FKBP5: variants seen among roughly 807,000 people sequenced by gnomAD.
FKBP5 encodes the protein FKBP prolyl isomerase 5, also known as peptidyl-prolyl cis-trans isomerase FKBP5.
A neutral mutation model predicts 50.5 loss-of-function variants in FKBP5; 23 were observed. That is an observed-to-expected ratio of 0.46 (90% CI 0.33 to 0.65). The LOEUF (loss-of-function observed/expected upper bound fraction) is 0.65. FKBP5 is among the 30% of genes least tolerant of loss of function. The pLI, the probability that FKBP5 is intolerant of heterozygous loss-of-function variation, is 0.02. For missense variants in FKBP5, 411 were observed against 553.1 expected, an observed-to-expected ratio of 0.74 and a Z score of 2.58; for synonymous variants, 176 against 190.6, an observed-to-expected ratio of 0.92 and a Z score of 0.63.
chr6:35,725,796 C>T (rs1340717487), intron 1 of FKBP5, among the ~76,000 whole-genome samples: 6 of 152,150 alleles, frequency 3.9e-5, no homozygotes, highest in East Asian at 1.9e-4. Flanking sequence ...CCGGTCCCAG[C>T]GTAACAAACT....
At chr6:35,674,631 T>G (rs1387926657) in intron 1 of FKBP5, among the ~76,000 whole-genome samples, 1 of 152,240 alleles carries the variant, frequency 6.6e-6, no homozygotes, top group Non-Finnish European at 1.5e-5. Context: ...TAACAATGTT[T>G]GCGGAACCAT....
chr6:35,671,035 G>C (rs918369436), intron 1 of FKBP5, among the ~76,000 whole-genome samples: 2 of 152,028 alleles, frequency 1.3e-5, no homozygotes, highest in African/African-American at 2.4e-5. Context: ...AAAGTGAGAC[G>C]ATCCCTTGAA....
chr6:35,702,370 A>AG (rs1412266146), intron 2 of FKBP5, among the ~76,000 whole-genome samples: 1 of 146,024 alleles, frequency 6.8e-6, no homozygotes, highest in Admixed American at 6.7e-5. Flanking sequence ...ATAAAGGTTA[A>AG]AAAAAAAAAG....
chr6:35,720,836 G>A (rs1163472153), intron 1 of FKBP5, among the ~76,000 whole-genome samples: 2 of 152,180 alleles, frequency 1.3e-5, no homozygotes, highest in East Asian at 1.9e-4. Flanking sequence ...ACCCCATTCC[G>A]GGCACTGTGC....
intron 1 of FKBP5, among the ~76,000 whole-genome samples, chr6:35,682,528 A>G (rs1581879977): frequency 6.6e-6 from 1 of 152,198 alleles, no homozygotes; most frequent in Non-Finnish European, 1.5e-5. Context: ...CCTGCTTTTG[A>G]TAATGAAATG....
At chr6:35,602,942 C>T (rs1763193667) in intron 5 of FKBP5, among the ~76,000 whole-genome samples, 1 of 152,210 alleles carries the variant, frequency 6.6e-6, no homozygotes, top group African/African-American at 2.4e-5. Flanking sequence ...CCTTACCAGT[C>T]TTCCCTTCAC....
intron 1 of FKBP5, among the ~76,000 whole-genome samples, chr6:35,687,894 C>T (rs926117673): frequency 1.3e-5 from 2 of 152,196 alleles, no homozygotes; most frequent in Admixed American, 6.5e-5. Context: ...GTTCGTTAAT[C>T]GAAGAAAGCC....
intron 1 of FKBP5, among the ~76,000 whole-genome samples, chr6:35,677,120 C>G (rs148550379): frequency 6.6e-6 from 1 of 152,228 alleles, no homozygotes; most frequent in South Asian, 2.1e-4. Flanking sequence ...GTCGCCCAGG[C>G]TGGAGTGCAG....
intron 2 of FKBP5, among the ~76,000 whole-genome samples, chr6:35,701,274 C>T (rs563721187): frequency 4.8e-5 from 7 of 144,930 alleles, no homozygotes; most frequent in Admixed American, 4.2e-4. Context: ...GACGGAGTCT[C>T]GCTCTGTCGC....
chr6:35,672,767 A>G (rs936386501), intron 1 of FKBP5, among the ~76,000 whole-genome samples: 2 of 151,150 alleles, frequency 1.3e-5, no homozygotes, highest in Non-Finnish European at 3.0e-5. Context: ...CTACTAAAAA[A>G]AAAAATACAA....
chr6:35,641,162 T>C (rs1257891301), intron 2 of FKBP5, among the ~76,000 whole-genome samples: 5 of 152,126 alleles, frequency 3.3e-5, no homozygotes, highest in South Asian at 4.1e-4. Context: ...TAATTTTTTT[T>C]CTACAGATAG....
Position 35,680,430 on chromosome 6 carries a change from A to C in FKBP5, c.-20+8374T>G, listed in dbSNP as rs548782969. On this transcript the variant is annotated intron_variant, in intron 1 of 10. Transcript: ENST00000357266. The stretch of plus-strand genomic sequence containing the variant: ...GGGCAACAGAATTAGACCCTGTTTC[A>C]AAAGAAAAAACAAAAAGAACCAATA... Among the ~76,000 whole-genome samples the C allele has an allele frequency of 1.4e-4, 22 of 152,356 alleles. No individual in the cohort carries two copies. In the East Asian group the frequency reaches 3.9e-3, roughly 27 times the overall value.
intron 5 of FKBP5, among the ~76,000 whole-genome samples, chr6:35,616,259 G>A (rs760905829): frequency 1.5e-5 from 2 of 137,706 alleles, no homozygotes; most frequent in Non-Finnish European, 3.1e-5. Context: ...AGGTTGCAGT[G>A]AGCTGCGATA....
intron 1 of FKBP5, among the ~76,000 whole-genome samples, chr6:35,721,158 G>A (rs901568123): frequency 1.3e-5 from 2 of 151,858 alleles, no homozygotes; most frequent in African/African-American, 4.8e-5. Flanking sequence ...TTGAGACCAC[G>A]CTGGCCAACA....
chr6:35,703,045 T>G (rs918497340), intron 2 of FKBP5, among the ~76,000 whole-genome samples: 7 of 151,012 alleles, frequency 4.6e-5, no homozygotes, highest in African/African-American at 1.7e-4. Flanking sequence ...AGGTCAGGAG[T>G]TCAAGACCAG....
chr6:35,654,056 A>G (rs573785204), intron 1 of FKBP5, among the ~76,000 whole-genome samples: 11 of 152,336 alleles, frequency 7.2e-5, no homozygotes, highest in African/African-American at 1.9e-4. Context: ...CCAAGATACT[A>G]TATCTCATGT....
intron 3 of FKBP5, among the ~76,000 whole-genome samples, chr6:35,631,851 A>C: frequency 6.7e-6 from 1 of 148,600 alleles, no homozygotes; most frequent in African/African-American, 2.5e-5. Flanking sequence ...GCTACTCAGG[A>C]GGCTGAGGCA....
intron 5 of FKBP5, among the ~76,000 whole-genome samples, chr6:35,617,239 A>T (rs1413802774): frequency 6.6e-6 from 1 of 152,224 alleles, no homozygotes; most frequent in Non-Finnish European, 1.5e-5. Context: ...ACTCGTAGAA[A>T]TGAAATATGG....
rs1405510772 is a variant in FKBP5, at chr6:35,575,491, C to T, written c.*344G>A. 1 of 221,364 alleles carries T rather than the reference C, an allele frequency of 4.5e-6. No individual in the cohort carries two copies. Among genetic ancestry groups the T allele is most frequent in the Non-Finnish European group, 9.1e-6 (1 of 109,818 alleles). The allele number at this position is 221,364 out of a possible 1,614,324, so 13.7% of individuals were successfully genotyped here. ...GTGCTATGAAAGTTCAAAGGTAAAA[C>T]CTAACAGCCCCACATTGTTAGGATG... On this transcript the variant is annotated 3_prime_UTR_variant, in exon 11 of 11. Transcript: ENST00000357266.
Sources: gnomAD v4.1 joint callset for allele counts (sites outside exome capture counted in the v4.1 genomes callset) on GRCh38, gnomAD v4.1.1 for gene constraint, MANE v1.5 for transcripts, NCBI Gene and HGNC (gene_info 2026-07-23, HGNC 2026-07-21) for gene names.